The following TIAM1 variants were observed in gnomAD, a reference collection of about 807,000 sequenced individuals.
TIAM1 encodes rho guanine nucleotide exchange factor TIAM1.
Under a neutral mutation model 163.5 loss-of-function variants are expected in TIAM1, and 65 were observed. The ratio of observed to expected loss-of-function variants is 0.40; its 90% CI spans 0.33 to 0.49. The LOEUF is 0.49. TIAM1 is among the 20% of genes least tolerant of loss of function. TIAM1 has a pLI of 0.77. For synonymous variants in TIAM1, 833 were observed against 810.1 expected, an observed-to-expected ratio of 1.03 and a Z score of -0.48; for missense variants, 1,789 against 2,044.7, an observed-to-expected ratio of 0.87 and a Z score of 2.41.
At chr21:31,492,066 G>T (rs2046487045) in intron 1 of TIAM1, among the ~76,000 whole-genome samples, 1 of 152,014 alleles carries the variant, frequency 6.6e-6, no homozygotes, top group African/African-American at 2.4e-5. Flanking sequence ...TATATGTGAT[G>T]TGTGTATATA....
chr21:31,320,078 A>ATG (rs2075261774), intron 2 of TIAM1, among the ~76,000 whole-genome samples: 1 of 152,240 alleles, frequency 6.6e-6, no homozygotes, highest in South Asian at 2.1e-4. Context: ...AACAAAACAT[A>ATG]TGTATATATA....
intron 16 of TIAM1, 57 bp from the exon 17 acceptor site, chr21:31,154,483 C>G: frequency 6.4e-7 from 1 of 1,569,940 alleles, no homozygotes; most frequent in Non-Finnish European, 8.7e-7. Flanking sequence ...TTAGACGCAC[C>G]TGACACCTGG....
At chr21:31,409,392 G>A (rs2077305956) in intron 2 of TIAM1, among the ~76,000 whole-genome samples, 1 of 152,162 alleles carries the variant, frequency 6.6e-6, no homozygotes, top group Non-Finnish European at 1.5e-5. Flanking sequence ...ACAGGCGTGA[G>A]CCACCACACC....
chr21:31,290,921 T>C (rs1601842929), intron 2 of TIAM1, among the ~76,000 whole-genome samples: 2 of 152,190 alleles, frequency 1.3e-5, no homozygotes, highest in East Asian at 3.9e-4. Context: ...ATCCTCTGGC[T>C]CCTCTGAAAT....
At chr21:31,133,688 T>C in intron 23 of TIAM1, among the ~76,000 whole-genome samples, 1 of 152,254 alleles carries the variant, frequency 6.6e-6, no homozygotes, top group Non-Finnish European at 1.5e-5. Flanking sequence ...ATCTCATTCA[T>C]TTACATGTTA....
At chr21:31,479,000 G>T (rs1241289251) in intron 1 of TIAM1, among the ~76,000 whole-genome samples, 1 of 152,204 alleles carries the variant, frequency 6.6e-6, no homozygotes, top group African/African-American at 2.4e-5. Flanking sequence ...GGAAAAGAAT[G>T]TGATTTCTAC....
chr21:31,272,958 G>GA (rs1001128546), intron 3 of TIAM1, among the ~76,000 whole-genome samples: 3 of 149,708 alleles, frequency 2.0e-5, no homozygotes, highest in African/African-American at 4.9e-5. Flanking sequence ...ATAAACTAGT[G>GA]AAAAAAAAAT....
chr21:31,445,228 G>A lies in TIAM1; in HGVS notation c.-369+18755C>T, dbSNP rs564418929. Among the ~76,000 whole-genome samples, 3 of 152,164 alleles carry A rather than the reference G, an allele frequency of 2.0e-5. No individual in the cohort carries two copies. In the South Asian group the frequency reaches 6.2e-4, roughly 32 times the overall value. On this transcript the variant is annotated intron_variant, in intron 2 of 28. Transcript: ENST00000286827. ...TTGAGCAACACACGGAAACTCCAAGGCCTCAGGTTTTGTTTTTAAATCTAT... is the reference window on the plus strand; with the variant it reads ...TTGAGCAACACACGGAAACTCCAAGACCTCAGGTTTTGTTTTTAAATCTAT...
At chr21:31,128,375 T>C (rs1568874640) in intron 25 of TIAM1, among the ~76,000 whole-genome samples, 2 of 152,062 alleles carry the variant, frequency 1.3e-5, no homozygotes, top group African/African-American at 4.8e-5. Context: ...GAATGAAAAA[T>C]AGAGAGTGAG....
intron 1 of TIAM1, among the ~76,000 whole-genome samples, chr21:31,540,455 G>C (rs1205926699): frequency 6.6e-6 from 1 of 151,306 alleles, no homozygotes; most frequent in East Asian, 2.0e-4. Flanking sequence ...AAGTATTCAA[G>C]TGGCCGGAAG....
Position 31,266,700 on chromosome 21 carries a change from C to G in TIAM1, c.273G>C (p.Val91=). ...TLEDFGSPIW[V]DRVDMGLRPV... ...GTCTCAAGCCCATGTCCACTCGGTC[C>G]ACCCAGATGGGGCTCCCGAAGTCTT... The change falls in exon 4 of 28, where the codon GTG becomes GTC. Residue 91 remains valine (V), a synonymous_variant. Transcript: ENST00000541036. 1 of 1,614,206 alleles carries G rather than the reference C, an allele frequency of 6.2e-7. No individual in the cohort carries two copies. The highest frequency in any genetic ancestry group is 8.5e-7 in the Non-Finnish European group (1 of 1,180,040).
At chr21:31,447,275 A>AT (rs2044661594) in intron 2 of TIAM1, among the ~76,000 whole-genome samples, 1 of 152,058 alleles carries the variant, frequency 6.6e-6, no homozygotes, top group Non-Finnish European at 1.5e-5. Flanking sequence ...CTGGGAAAAA[A>AT]ATTTTTTTTT....
Position 31,522,528 on chromosome 21 carries a change from C to A in TIAM1, c.-422+36399G>T, listed in dbSNP as rs1304899157. The stretch of plus-strand genomic sequence containing the variant: ...TCCATCCCAAAAAAAAAAACAAAAA[C>A]AAAAACAAAAAATAATAATAATTAA... On this transcript the variant is annotated intron_variant, in intron 1 of 28. Transcript: ENST00000286827. Among the ~76,000 whole-genome samples, 3 of 151,158 alleles carry A rather than the reference C, an allele frequency of 2.0e-5. No homozygotes were observed. In the South Asian group the frequency reaches 6.3e-4, roughly 32 times the overall value.
At chr21:31,220,757 TGGCA>T in intron 8 of TIAM1, among the ~76,000 whole-genome samples, 1 of 152,326 alleles carries the variant, frequency 6.6e-6, no homozygotes, top group South Asian at 2.1e-4. Flanking sequence ...GAAAAAGGGC[TGGCA>T]GAAGAACTGC....
At chr21:31,498,099 C>G (rs986379933) in intron 1 of TIAM1, among the ~76,000 whole-genome samples, 1 of 152,178 alleles carries the variant, frequency 6.6e-6, no homozygotes, top group Non-Finnish European at 1.5e-5. Flanking sequence ...AGGACAAACC[C>G]GAATGTAAAC....
chr21:31,120,619 C>G lies in TIAM1; in HGVS notation c.4525G>C (p.Asp1509His). 1 of 1,614,162 alleles carries G rather than the reference C, an allele frequency of 6.2e-7. No homozygotes were observed. Among genetic ancestry groups the G allele is most frequent in the South Asian group, 1.1e-5 (1 of 91,084 alleles). Residue 1509 changes from aspartate (D) to histidine (H), a missense_variant, in exon 28 of 28, where the codon GAT (aspartate) becomes CAT (histidine). Asp to His is a moderately conservative substitution (Grantham distance 81, BLOSUM62 -1). Around this residue, in one of 5 missense-constraint regions of TIAM1, gnomAD observed 415 missense variants for 439.2 expected, o/e 0.94. Coordinates refer to ENST00000541036, the MANE Select transcript of TIAM1 (RefSeq NM_001353694.2). The surrounding 1 kb of genome is among the most constrained non-coding windows in gnomAD (Gnocchi z 4.2). The part of the protein sequence containing the change: ...IKETDILSDD[D>H]EFCESVKGAS... ...CCCTTCACGGACTCACAGAACTCAT[C>G]ATCGTCACTGAGGATGTCTGTCTCC...
At chr21:31,379,439 T>C (rs1363851738) in intron 2 of TIAM1, among the ~76,000 whole-genome samples, 1 of 151,710 alleles carries the variant, frequency 6.6e-6, no homozygotes, top group Non-Finnish European at 1.5e-5. Context: ...CACTATGCCC[T>C]AGCCAAAGAA....
intron 3 of TIAM1, among the ~76,000 whole-genome samples, chr21:31,275,790 A>C (rs1326191764): frequency 6.6e-6 from 1 of 152,130 alleles, no homozygotes; most frequent in Non-Finnish European, 1.5e-5. Flanking sequence ...TGATCATCCA[A>C]TTCATATCAT....
chr21:31,554,997 G>A (rs1333620038), intron 1 of TIAM1, among the ~76,000 whole-genome samples: 2 of 152,142 alleles, frequency 1.3e-5, no homozygotes, highest in Admixed American at 1.3e-4. Context: ...GGTGCCAGAG[G>A]CTGGGAAGGG....
Sources: gnomAD v4.1 joint callset for allele counts (sites outside exome capture counted in the v4.1 genomes callset) on GRCh38, gnomAD v4.1.1 for gene constraint, gnomAD v4.1.1 regional missense constraint, Gnocchi (gnomAD v3.1) non-coding constraint, MANE v1.5 for transcripts, NCBI Gene and HGNC (gene_info 2026-07-23, HGNC 2026-07-21) for gene names.